The following BTBD2 variants were observed in gnomAD, a reference collection of about 807,000 sequenced individuals.
BTBD2 encodes BTB/POZ domain-containing protein 2.
A neutral mutation model predicts 44.0 loss-of-function variants in BTBD2; 15 were observed. That is an observed-to-expected ratio of 0.34 (90% CI 0.23 to 0.53). The LOEUF is 0.53. Ranked by LOEUF, BTBD2 falls within the 20% of genes least tolerant of loss-of-function variation. BTBD2 has a pLI of 0.95. For missense variants in BTBD2, 657 were observed against 746.4 expected (o/e 0.88, Z 1.39); for synonymous variants, 443 against 335.9 (o/e 1.32, Z -3.49).
chr19:1,988,917 TA>T (rs1195172213), intron 5 of BTBD2, among the ~76,000 whole-genome samples: 1 of 151,700 alleles, frequency 6.6e-6, no homozygotes, highest in Non-Finnish European at 1.5e-5. Flanking sequence ...CAATTGTATA[TA>T]TTTTTTTATT....
chr19:2,010,512 C>T (rs952728356), intron 1 of BTBD2, among the ~76,000 whole-genome samples: 12 of 152,206 alleles, frequency 7.9e-5, no homozygotes, highest in Admixed American at 2.0e-4. Context: ...ACCCTGCACC[C>T]CCGCCAGGGA....
At chr19:1,997,506 C>T (rs1304460341) in intron 1 of BTBD2, 43 bp from the exon 2 acceptor site, 1 of 1,610,200 alleles carries the variant, frequency 6.2e-7, no homozygotes, top group Admixed American at 1.7e-5. Flanking sequence ...CCGTGGCCGC[C>T]ACCCCACGGC....
intron 4 of BTBD2, 39 bp from the exon 5 acceptor site, chr19:1,990,240 C>T (rs2016155462): frequency 6.4e-7 from 1 of 1,552,816 alleles, no homozygotes; most frequent in Non-Finnish European, 8.7e-7. Flanking sequence ...ACACGACACC[C>T]ACATGCCCAC....
chr19:2,012,628 CT>C (rs890811656), intron 1 of BTBD2, among the ~76,000 whole-genome samples: 1 of 152,196 alleles, frequency 6.6e-6, no homozygotes, highest in African/African-American at 2.4e-5. Context: ...GTCCACGCCC[CT>C]AACCCCGCAT....
intron 1 of BTBD2, among the ~76,000 whole-genome samples, chr19:2,008,325 AGTCTCGCTGTGTT>A (rs2016420834): frequency 1.5e-5 from 2 of 129,390 alleles, no homozygotes; most frequent in Non-Finnish European, 3.2e-5. Flanking sequence ...TTCTAGGTGG[AGTCTCGCTGTGTT>A]GCCCAAGCTG....
rs764219644 is a variant in BTBD2, at chr19:1,987,472, A to AC, written c.1181+27dup. On this transcript the variant is annotated intron_variant, in intron 6 of 8. Coordinates refer to ENST00000255608, the MANE Select transcript of BTBD2 (RefSeq NM_017797.4). ...CCGAGTCCTCCACCCCCATGTCCGG[A>AC]CCCCCCCGCCTGCACCCCAAGCCCC... 175 of 635,672 alleles carry AC rather than the reference A, an allele frequency of 2.8e-4. 1 individual carries two copies. Among genetic ancestry groups the AC allele is most frequent in the African/African-American group, 2.6e-3 (101 of 39,266 alleles). 39.4% of individuals were successfully genotyped at this position (635,672 alleles called of 1,614,324 possible). A position where few individuals can be genotyped will look rare whatever the true frequency, so the allele number is the denominator to read the frequency against.
Position 1,986,972 on chromosome 19 carries a change from A to C in BTBD2, c.1274T>G (p.Ile425Ser), listed in dbSNP as rs1313778227. The change falls in exon 8 of 9, where the codon ATT (isoleucine) becomes AGT (serine). Residue 425 changes from isoleucine (I) to serine (S), a missense_variant. Ile to Ser is a moderately radical substitution (Grantham distance 142, BLOSUM62 -2). This residue lies in a region of BTBD2 where 449 missense variants were observed against 510.9 expected (regional missense o/e 0.88). Transcript: ENST00000255608. ...PTDYQVNIQIIHTDSNTVLGQ... is the reference protein window; with the variant it reads ...PTDYQVNIQISHTDSNTVLGQ... Reference sequence around the variant, plus strand: ...CAAGACGGTGTTGCTATCGGTGTGAATAATCTGCGGGGAGGTGGGAAGTGG... The same window carrying C: ...CAAGACGGTGTTGCTATCGGTGTGACTAATCTGCGGGGAGGTGGGAAGTGG... The C allele has an allele frequency of 6.2e-6, 10 of 1,611,668 alleles. No homozygotes were observed. Among genetic ancestry groups the C allele is most frequent in the Non-Finnish European group, 8.5e-6 (10 of 1,178,866 alleles).
intron 5 of BTBD2, 81 bp downstream of exon 5, chr19:1,989,923 G>A: frequency 6.7e-7 from 1 of 1,491,884 alleles, no homozygotes; most frequent in Non-Finnish European, 9.2e-7. Context: ...AGTGAACTCG[G>A]GGGCACTATC....
chr19:2,011,367 T>C (rs2016462216), intron 1 of BTBD2, among the ~76,000 whole-genome samples: 1 of 151,996 alleles, frequency 6.6e-6, no homozygotes, highest in African/African-American at 2.4e-5. Context: ...GCCTCGCTCC[T>C]GGGCCCATCC....
intron 1 of BTBD2, among the ~76,000 whole-genome samples, chr19:2,006,082 T>A (rs1476477120): frequency 6.7e-6 from 1 of 149,196 alleles, no homozygotes; most frequent in Non-Finnish European, 1.5e-5. Flanking sequence ...AGTGAGACCC[T>A]GTCTCTAAAA....
chr19:1,995,626 T>C (rs1018450511), intron 2 of BTBD2, among the ~76,000 whole-genome samples: 3 of 147,768 alleles, frequency 2.0e-5, no homozygotes, highest in Non-Finnish European at 4.5e-5. Flanking sequence ...ATCTTACATT[T>C]TGGACTTTGA....
At chr19:2,009,562 C>T (rs538849735) in intron 1 of BTBD2, among the ~76,000 whole-genome samples, 20 of 148,250 alleles carry the variant, frequency 1.3e-4, no homozygotes, top group African/African-American at 3.4e-4. Flanking sequence ...AATAAAGATA[C>T]GTTAGGCTGG....
At position 1,987,493 on chromosome 19, in the gene BTBD2, G is replaced by GC; in HGVS notation, c.1181+6dup. On this transcript the variant is annotated splice_region_variant and intron_variant, in intron 6 of 8. Coordinates refer to ENST00000255608, the MANE Select transcript of BTBD2 (RefSeq NM_017797.4). ...CCGGACCCCCCCGCCTGCACCCCAA[G>GC]CCCCACCTGATGCGGTCACTGGTCC... 6.7e-7 allele frequency: 1 copy of GC among 1,486,208 alleles called. No homozygotes were observed. The highest frequency in any genetic ancestry group is 1.2e-5 in the South Asian group (1 of 83,344). The allele number at this position is 1,486,208 out of a possible 1,614,324, so 92.1% of individuals were successfully genotyped here.
At position 1,987,592 on chromosome 19, in the gene BTBD2, G is replaced by A; in HGVS notation, c.1089C>T (p.Pro363=). Reference sequence around the variant, plus strand: ...ACTCCTTCCCACGCAGGCAGCAGCGGGGCCGGTCAATGAACTCCACTCGTG... The same window carrying A: ...ACTCCTTCCCACGCAGGCAGCAGCGAGGCCGGTCAATGAACTCCACTCGTG... The part of the protein sequence containing the change: ...PKPRVEFIDR[P]RCCLRGKECS... The change falls in exon 6 of 9, where the codon CCC becomes CCT. Residue 363 remains proline (P), a synonymous_variant. Coordinates refer to ENST00000255608, the MANE Select transcript of BTBD2 (RefSeq NM_017797.4). The A allele has an allele frequency of 6.2e-7, 1 of 1,612,784 alleles. No individual in the cohort carries two copies. The highest frequency in any genetic ancestry group is 8.5e-7 in the Non-Finnish European group (1 of 1,179,718).
At chr19:2,014,813 G>A (rs1191927976) in intron 1 of BTBD2, among the ~76,000 whole-genome samples, 2 of 151,038 alleles carry the variant, frequency 1.3e-5, no homozygotes, top group Non-Finnish European at 3.0e-5. Flanking sequence ...AGGGGTCCCA[G>A]GGGTACAGGG....
intron 5 of BTBD2, among the ~76,000 whole-genome samples, chr19:1,989,057 C>T (rs536303654): frequency 6.6e-6 from 1 of 152,172 alleles, no homozygotes; most frequent in East Asian, 1.9e-4. Flanking sequence ...GGATTACAGG[C>T]ATGAGCCACC....
rs1049553006 is a variant in BTBD2 at position 1,986,667 on chromosome 19, A to G, written c.1417-18T>C. The stretch of plus-strand genomic sequence containing the variant: ...TCTGGGCCCTGTAGGGAATAGGGGT[A>G]CAGTGAGGTCAAGGACCACCAGGCT... On this transcript the variant is annotated intron_variant, in intron 8 of 8. Coordinates refer to ENST00000255608, the MANE Select transcript of BTBD2 (RefSeq NM_017797.4). The G allele has an allele frequency of 3.1e-6, 5 of 1,611,672 alleles. No homozygotes were observed. The African/African-American group carries it at 6.7e-5, about 22-fold the overall frequency.
intron 4 of BTBD2, 185 bp from the exon 5 acceptor site, chr19:1,990,386 T>C (rs1282822777): frequency 1.5e-6 from 1 of 672,166 alleles, no homozygotes; most frequent in Non-Finnish European, 2.5e-6. Flanking sequence ...CGCCCCTTCA[T>C]TTTCCTCGGC....
At chr19:1,999,767 G>C (rs71337072) in intron 1 of BTBD2, among the ~76,000 whole-genome samples, 3 of 151,714 alleles carry the variant, frequency 2.0e-5, no homozygotes, top group Admixed American at 6.6e-5. Flanking sequence ...TGGGAGACCA[G>C]CCTGGCCAAC....
Sources: gnomAD v4.1 joint callset for allele counts (sites outside exome capture counted in the v4.1 genomes callset) on GRCh38, gnomAD v4.1.1 for gene constraint, gnomAD v4.1.1 regional missense constraint, MANE v1.5 for transcripts, NCBI Gene and HGNC (gene_info 2026-07-23, HGNC 2026-07-21) for gene names.